Variants in DOCK1 observed in about 807,000 individuals in gnomAD.
DOCK1 encodes dedicator of cytokinesis 1, also known as dedicator of cytokinesis protein 1.
DOCK1 carries 138 observed loss-of-function variants against 262.7 expected under a neutral mutation model. That is an observed-to-expected ratio of 0.53 (90% CI 0.46 to 0.61). The LOEUF is 0.61. DOCK1 is among the 20% of genes least tolerant of loss of function. The pLI is 0.00. For missense variants in DOCK1, 1,908 were observed against 2,370.7 expected, an observed-to-expected ratio of 0.80 and a Z score of 4.05; for synonymous variants, 866 against 867.4, an observed-to-expected ratio of 1.00 and a Z score of 0.03.
At chr10:127,362,316 G>A (rs1031778382) in intron 33 of DOCK1, 104 bp downstream of exon 33, 124 of 1,280,256 alleles carry the variant, frequency 9.7e-5, no homozygotes, top group Middle Eastern at 2.0e-4. Flanking sequence ...AGGTGCCAAC[G>A]TGGAAAACAC....
At chr10:127,042,773 G>A (rs931220531) in intron 20 of DOCK1, 59 bp downstream of exon 20, 44 of 1,561,904 alleles carry the variant, frequency 2.8e-5, no homozygotes, top group Admixed American at 8.4e-5. Flanking sequence ...ATGCTGCAGC[G>A]TCTGAGGCTG....
At chr10:127,161,222 A>G (rs1395267541) in intron 27 of DOCK1, among the ~76,000 whole-genome samples, 1 of 152,236 alleles carries the variant, frequency 6.6e-6, no homozygotes, top group Non-Finnish European at 1.5e-5. Context: ...ACGCAAGTAC[A>G]TTGTCTTAGC....
In DOCK1 at chr10:127,297,906, CCTT is replaced by C. The variant is rs2061556001; in HGVS notation, c.3044+40483_3044+40485del. 2.0e-5 allele frequency among the ~76,000 whole-genome samples: 3 copies of C among 152,032 alleles called. No individual in the cohort carries two copies. In the South Asian group the frequency reaches 6.2e-4, roughly 32 times the overall value. ...TCACCACCCATTACCTATTGGGATG[CCTT>C]CTTCTCTGCTTGCTAATCTGAATAT... On this transcript the variant is annotated intron_variant, in intron 29 of 51. Coordinates refer to ENST00000623213, the MANE Select transcript of DOCK1 (RefSeq NM_001290223.2).
At chr10:127,204,507 G>A (rs1463673563) in intron 27 of DOCK1, among the ~76,000 whole-genome samples, 2 of 151,916 alleles carry the variant, frequency 1.3e-5, no homozygotes, top group Non-Finnish European at 2.9e-5. Context: ...GGCTGGTCTC[G>A]AACTCCTGAC....
chr10:127,310,085 G>C lies in DOCK1; in HGVS notation c.3045-28921G>C, dbSNP rs1356564267. ...AGACAGGGTTTCACCATGTTAGCCA[G>C]GCTGGTCTCGAACTCCCAACCTCAA... is the stretch of plus-strand genomic sequence containing the variant. On this transcript the variant is annotated intron_variant, in intron 29 of 51. Transcript: ENST00000623213. 1.3e-5 allele frequency among the ~76,000 whole-genome samples: 2 copies of C among 152,122 alleles called. 1 individual carries two copies. Among genetic ancestry groups the C allele is most frequent in the Non-Finnish European group, 2.9e-5 (2 of 68,016 alleles).
intron 27 of DOCK1, among the ~76,000 whole-genome samples, chr10:127,145,373 G>T (rs1472106479): frequency 6.6e-6 from 1 of 152,186 alleles, no homozygotes; most frequent in Non-Finnish European, 1.5e-5. Flanking sequence ...CCCCTAGGAA[G>T]CCAGGAAGAC....
At chr10:127,422,158 C>CTTTTTTTTTTTTTTTT (rs35535729) in intron 46 of DOCK1, among the ~76,000 whole-genome samples, 2 of 61,386 alleles carry the variant, frequency 3.3e-5, no homozygotes, top group Non-Finnish European at 5.8e-5. Flanking sequence ...TTTTGTTTGT[C>CTTTTTTTTTTTTTTTT]TTTTTTTTTT....
At chr10:127,047,708 T>C (rs2044442462) in intron 21 of DOCK1, among the ~76,000 whole-genome samples, 2 of 152,220 alleles carry the variant, frequency 1.3e-5, no homozygotes, top group South Asian at 4.1e-4. Flanking sequence ...CTGTGGTTTC[T>C]GTTAGGAATG....
At chr10:127,025,426 G>A (rs971645548) in intron 15 of DOCK1, among the ~76,000 whole-genome samples, 5 of 152,092 alleles carry the variant, frequency 3.3e-5, no homozygotes, top group Non-Finnish European at 7.3e-5. Context: ...ACCCTTCCAG[G>A]TTGGGGCTAA....
chr10:127,420,702 G>A (rs1434530042), intron 46 of DOCK1, among the ~76,000 whole-genome samples: 1 of 151,944 alleles, frequency 6.6e-6, no homozygotes, highest in Non-Finnish European at 1.5e-5. Flanking sequence ...AGCTGGGCGT[G>A]GTGGTGCACG....
chr10:127,093,046 G>A lies in DOCK1; in HGVS notation c.2446-13185G>A, dbSNP rs571462691. Among the ~76,000 whole-genome samples the A allele has an allele frequency of 1.2e-3, 181 of 152,220 alleles. 1 individual carries two copies. The highest frequency in any genetic ancestry group is 4.1e-3 in the African/African-American group (172 of 41,558). On this transcript the variant is annotated intron_variant, in intron 23 of 51. Transcript: ENST00000623213. ...GGCCGTGCCCTCTCTGAAGGCTCTA[G>A]AAGGCTGTAGGGCAGAATCCTTCCT...
At chr10:127,073,392 C>A (rs1429666504) in intron 23 of DOCK1, among the ~76,000 whole-genome samples, 1 of 152,216 alleles carries the variant, frequency 6.6e-6, no homozygotes, top group East Asian at 1.9e-4. Flanking sequence ...CACTACTCGA[C>A]TTCAAGTCTG....
intron 29 of DOCK1, among the ~76,000 whole-genome samples, chr10:127,299,566 C>CA (rs1411568846): frequency 1.3e-5 from 2 of 152,230 alleles, no homozygotes; most frequent in Non-Finnish European, 2.9e-5. Context: ...AGGCATGGGA[C>CA]AGAGTCTTCC....
At chr10:126,938,258 G>A (rs1386945672) in intron 1 of DOCK1, among the ~76,000 whole-genome samples, 3 of 152,116 alleles carry the variant, frequency 2.0e-5, no homozygotes, top group Admixed American at 6.6e-5. Flanking sequence ...ATGTTGGTCA[G>A]GCTTGTCTCA....
intron 22 of DOCK1, among the ~76,000 whole-genome samples, chr10:127,059,798 CTT>C (rs2045413102): frequency 6.6e-6 from 1 of 152,076 alleles, no homozygotes; most frequent in Non-Finnish European, 1.5e-5. Context: ...TTTCTGCTCT[CTT>C]TTTCCTCTTT....
intron 36 of DOCK1, 139 bp from the exon 37 acceptor site, chr10:127,381,139 A>T: frequency 1.6e-6 from 1 of 609,526 alleles, no homozygotes; most frequent in Non-Finnish European, 2.5e-6. Context: ...AAAAGTTTTT[A>T]AGGCATTTTG....
intron 27 of DOCK1, among the ~76,000 whole-genome samples, chr10:127,234,981 CA>C (rs1420295519): frequency 7.5e-6 from 1 of 133,882 alleles, no homozygotes; most frequent in East Asian, 2.1e-4. Context: ...AATATATGTA[CA>C]TTTTATACAT....
At chr10:127,246,377 A>G (rs2059430918) in intron 27 of DOCK1, among the ~76,000 whole-genome samples, 1 of 152,214 alleles carries the variant, frequency 6.6e-6, no homozygotes, top group Admixed American at 6.5e-5. Flanking sequence ...TTAAAGTGAC[A>G]GTGTTGTTAT....
chr10:126,923,051 T>A (rs916187059), intron 1 of DOCK1, among the ~76,000 whole-genome samples: 2 of 150,992 alleles, frequency 1.3e-5, no homozygotes, highest in African/African-American at 2.4e-5. Flanking sequence ...GGAGGTTGCG[T>A]TGAGCCGAGA....
Sources: gnomAD v4.1 joint callset for allele counts (sites outside exome capture counted in the v4.1 genomes callset) on GRCh38, gnomAD v4.1.1 for gene constraint, MANE v1.5 for transcripts, NCBI Gene and HGNC (gene_info 2026-07-23, HGNC 2026-07-21) for gene names.